Variants in CBR4 observed in about 807,000 individuals in gnomAD.
CBR4 encodes the protein carbonyl reductase 4, also known as 3-oxoacyl-[acyl-carrier-protein] reductase.
CBR4 carries 22 observed loss-of-function variants against 21.0 expected under a neutral mutation model. The ratio of observed to expected loss-of-function variants is 1.05; its 90% CI spans 0.75 to 1.50. CBR4 has a LOEUF of 1.50. Among genes scored for constraint, CBR4 ranks in the 40% most tolerant of loss-of-function variants. CBR4 has a pLI of 0.00. For missense variants in CBR4, 302 were observed against 286.3 expected (o/e 1.05, Z -0.40); for synonymous variants, 100 against 104.4 (o/e 0.96, Z 0.26).
At chr4:168,926,033 G>A (rs1023649586) in intron 2 of CBR4, among the ~76,000 whole-genome samples, 3 of 151,902 alleles carry the variant, frequency 2.0e-5, no homozygotes, top group Non-Finnish European at 2.9e-5. Context: ...ATCCTGTATA[G>A]ACAGTAAATC....
chr4:168,941,329 AT>A (rs1166320735), intron 2 of CBR4, among the ~76,000 whole-genome samples: 2 of 152,166 alleles, frequency 1.3e-5, no homozygotes, highest in African/African-American at 2.4e-5. Context: ...CAATAAAAAA[AT>A]TTTTTTAAAA....
At chr4:168,977,938 G>C (rs145134982) in intron 2 of CBR4, among the ~76,000 whole-genome samples, 102,571 of 151,688 alleles carry the variant, frequency 0.68, 36,618 homozygotes, top group East Asian at 0.96. Flanking sequence ...GAGGTAATGG[G>C]TACTACAAAC....
chr4:168,901,064 CTTAA>C (rs1046442022), intron 2 of CBR4, among the ~76,000 whole-genome samples: 8 of 152,248 alleles, frequency 5.3e-5, no homozygotes, highest in South Asian at 4.1e-4. Flanking sequence ...CTAGAAGGGA[CTTAA>C]TTGTTTAAAC....
intron 2 of CBR4, among the ~76,000 whole-genome samples, chr4:168,974,286 C>T (rs920699235): frequency 1.3e-5 from 2 of 152,204 alleles, no homozygotes; most frequent in African/African-American, 4.8e-5. Flanking sequence ...TGCTGGAAAT[C>T]CGATAGGTTT....
chr4:168,965,658 C>T (rs1764001394), intron 2 of CBR4, among the ~76,000 whole-genome samples: 2 of 152,176 alleles, frequency 1.3e-5, no homozygotes, highest in Non-Finnish European at 2.9e-5. Context: ...GGAAAGGATT[C>T]CCTATTTAAT....
Position 168,989,826 on chromosome 4 carries a change from C to G in CBR4, c.*324G>C, listed in dbSNP as rs1329984568. 9.9e-7 allele frequency: 1 copy of G among 1,012,842 alleles called. No homozygotes were observed. Among genetic ancestry groups the G allele is most frequent in the Non-Finnish European group, 1.2e-6 (1 of 848,506 alleles). 62.7% of individuals were successfully genotyped at this position (1,012,842 alleles called of 1,614,324 possible). A position where few individuals can be genotyped will look rare whatever the true frequency, so the allele number is the denominator to read the frequency against. On this transcript the variant is annotated 3_prime_UTR_variant, in exon 5 of 5. Transcript: ENST00000306193. ...ACATCCTTTAGAAAACACAATTTGT[C>G]TGGGGGGATGATTGCACATGTATTT...
intron 4 of CBR4, among the ~76,000 whole-genome samples, chr4:168,997,311 T>C (rs1405375323): frequency 2.0e-5 from 3 of 152,222 alleles, no homozygotes; most frequent in Non-Finnish European, 4.4e-5. Context: ...AAGATACTTC[T>C]AGTTTAGTTC....
At chr4:168,974,162 A>C (rs376817248) in intron 2 of CBR4, among the ~76,000 whole-genome samples, 7 of 152,128 alleles carry the variant, frequency 4.6e-5, no homozygotes, top group Non-Finnish European at 7.3e-5. Context: ...AAAAGACTTT[A>C]TCTCTCTTTC....
intron 2 of CBR4, among the ~76,000 whole-genome samples, chr4:168,974,078 T>C (rs1323010768): frequency 6.6e-6 from 1 of 152,232 alleles, no homozygotes; most frequent in African/African-American, 2.4e-5. Flanking sequence ...TCTTTCAAGA[T>C]TTAGGACTCC....
chr4:168,916,989 T>TA, intron 2 of CBR4, among the ~76,000 whole-genome samples: 1 of 151,176 alleles, frequency 6.6e-6, no homozygotes, highest in East Asian at 2.0e-4. Context: ...AATTCTAAGA[T>TA]AAGTTAGAGG....
chr4:168,904,827 T>C (rs1170962184), intron 2 of CBR4, among the ~76,000 whole-genome samples: 4 of 152,142 alleles, frequency 2.6e-5, no homozygotes, highest in African/African-American at 7.2e-5. Flanking sequence ...CACTACAAAC[T>C]TTTAATTAAA....
intron 2 of CBR4, among the ~76,000 whole-genome samples, chr4:168,955,634 T>C (rs552464721): frequency 6.6e-6 from 1 of 152,230 alleles, no homozygotes; most frequent in African/African-American, 2.4e-5. Context: ...CTATGGAAGG[T>C]AGCACTCCAA....
intron 2 of CBR4, among the ~76,000 whole-genome samples, chr4:168,953,620 T>C (rs893431972): frequency 6.6e-6 from 1 of 151,520 alleles, no homozygotes; most frequent in Non-Finnish European, 1.5e-5. Flanking sequence ...AGACAGGATC[T>C]CGTGTGTTGC....
In CBR4 at chr4:168,960,277, T is replaced by C. The variant is rs190791174; in HGVS notation, n.169+41794A>G. The stretch of plus-strand genomic sequence containing the variant: ...TCAAAGTTAACCACTTTTGTTTTTG[T>C]TTTTAACGCAGTAAACATTTCTCCA... On this transcript the variant is annotated intron_variant and non_coding_transcript_variant, in intron 2 of 3. Transcript: ENST00000509108. Among the ~76,000 whole-genome samples, 769 of 152,342 alleles carry C rather than the reference T, an allele frequency of 5.0e-3. 3 individuals are homozygous for C. The highest frequency in any genetic ancestry group is 8.0e-3 in the Non-Finnish European group (544 of 68,024).
At chr4:168,991,962 T>C (rs898145139) in intron 4 of CBR4, among the ~76,000 whole-genome samples, 1 of 152,224 alleles carries the variant, frequency 6.6e-6, no homozygotes, top group Non-Finnish European at 1.5e-5. Context: ...AACCTAAATA[T>C]ATTACCTTTT....
intron 3 of CBR4, chr4:168,894,512 T>G (rs1211111895): frequency 1.0e-6 from 1 of 960,134 alleles, no homozygotes; most frequent in African/African-American, 1.6e-5. Context: ...TTTACTCTTT[T>G]TCATAGGGCA....
At chr4:168,958,953 A>G (rs369734497) in intron 2 of CBR4, among the ~76,000 whole-genome samples, 2 of 152,274 alleles carry the variant, frequency 1.3e-5, no homozygotes, top group East Asian at 3.9e-4. Context: ...TCATGTATAT[A>G]TGTATATATA....
At chr4:168,918,722 CA>C (rs1760787602) in intron 2 of CBR4, among the ~76,000 whole-genome samples, 1 of 152,064 alleles carries the variant, frequency 6.6e-6, no homozygotes, top group Non-Finnish European at 1.5e-5. Context: ...ATATGTTAAT[CA>C]GCTCAGTTTA....
intron 3 of CBR4, among the ~76,000 whole-genome samples, chr4:169,002,408 A>C (rs1304978519): frequency 6.6e-6 from 1 of 152,208 alleles, no homozygotes; most frequent in Admixed American, 6.5e-5. Context: ...TACATACAGA[A>C]AATAGCATCT....
Sources: allele counts gnomAD v4.1 joint callset (sites outside exome capture counted in the v4.1 genomes callset), GRCh38; gene constraint gnomAD v4.1.1; transcripts MANE v1.5; gene names NCBI Gene and HGNC (gene_info 2026-07-23, HGNC 2026-07-21).